LGSN: variants seen among roughly 807,000 people sequenced by gnomAD.
LGSN encodes lengsin, lens protein with glutamine synthetase domain.
In LGSN, 21 loss-of-function variants were observed where a neutral mutation model predicts 19.5. The ratio of observed to expected loss-of-function variants is 1.07; its 90% CI spans 0.76 to 1.55. The LOEUF (loss-of-function observed/expected upper bound fraction) is 1.55. Among genes scored for constraint, LGSN ranks in the 40% most tolerant of loss-of-function variants. The probability of loss-of-function intolerance (pLI) is 0.00; values close to 1 mark genes in which losing one functional copy is unlikely to be tolerated. For synonymous variants in LGSN, 257 were observed against 215.6 expected (o/e 1.19, Z -1.68); for missense variants, 673 against 608.5 (o/e 1.11, Z -1.12).
At chr6:63,485,860 C>T in the LGSN span, among the ~76,000 whole-genome samples, 1 of 152,088 alleles carries the variant, frequency 6.6e-6, no homozygotes, top group South Asian at 2.1e-4. Flanking sequence ...TCCTGAGTAG[C>T]TGGGACTATG....
the LGSN span, among the ~76,000 whole-genome samples, chr6:63,384,164 T>C: frequency 6.6e-6 from 1 of 152,198 alleles, no homozygotes. Context: ...CCCAGTTTTT[T>C]CCATGCTTGA....
the LGSN span, among the ~76,000 whole-genome samples, chr6:63,544,718 T>G: frequency 6.6e-6 from 1 of 152,170 alleles, no homozygotes; most frequent in East Asian, 1.9e-4. Context: ...TTTCTGATGT[T>G]TCCTCATGAT....
At chr6:63,355,800 T>A in the LGSN span, among the ~76,000 whole-genome samples, 1 of 152,220 alleles carries the variant, frequency 6.6e-6, no homozygotes, top group African/African-American at 2.4e-5. Flanking sequence ...TGTCTCAGCC[T>A]TCCAAGTAGC....
the LGSN span, among the ~76,000 whole-genome samples, chr6:63,388,049 T>G: frequency 6.6e-6 from 1 of 151,340 alleles, no homozygotes; most frequent in Non-Finnish European, 1.5e-5. Context: ...TGTTTTTTTT[T>G]TTTTTTAGTA....
At chr6:63,541,735 G>T in the LGSN span, among the ~76,000 whole-genome samples, 1 of 152,034 alleles carries the variant, frequency 6.6e-6, no homozygotes, top group Non-Finnish European at 1.5e-5. Context: ...CATTAAAAAA[G>T]ATGCATTTAT....
At chr6:63,307,488 G>T (rs1048866472) in intron 1 of LGSN, among the ~76,000 whole-genome samples, 2 of 152,180 alleles carry the variant, frequency 1.3e-5, no homozygotes, top group Non-Finnish European at 2.9e-5. Flanking sequence ...TTAATTGATG[G>T]GCTGTGGACA....
At chr6:63,335,029 G>A in the LGSN span, among the ~76,000 whole-genome samples, 1 of 150,936 alleles carries the variant, frequency 6.6e-6, no homozygotes, top group Non-Finnish European at 1.5e-5. Flanking sequence ...TGTAATCCCA[G>A]ATATTCAGGA....
the LGSN span, among the ~76,000 whole-genome samples, chr6:63,560,383 A>G: frequency 2.0e-5 from 3 of 150,968 alleles, no homozygotes; most frequent in African/African-American, 7.3e-5. Context: ...AGTGAAAAGT[A>G]AAAAACAAAA....
the LGSN span, among the ~76,000 whole-genome samples, chr6:63,520,970 A>C: frequency 6.6e-6 from 1 of 152,148 alleles, no homozygotes; most frequent in South Asian, 2.1e-4. Context: ...ATCCTCAGCA[A>C]ACTAACACAG....
chr6:63,447,656 A>C, the LGSN span, among the ~76,000 whole-genome samples: 1 of 152,194 alleles, frequency 6.6e-6, no homozygotes, highest in East Asian at 1.9e-4. Flanking sequence ...AACTGTTAGC[A>C]TCCTATTCAT....
the LGSN span, among the ~76,000 whole-genome samples, chr6:63,349,827 C>G: frequency 1.3e-5 from 2 of 152,158 alleles, no homozygotes; most frequent in Admixed American, 6.6e-5. Flanking sequence ...CTCAAGTTAT[C>G]ATAAGACTGA....
chr6:63,464,037 T>C, the LGSN span, among the ~76,000 whole-genome samples: 17 of 151,934 alleles, frequency 1.1e-4, no homozygotes, highest in African/African-American at 3.9e-4. Context: ...GGAGCATAAA[T>C]GAAAAAAAAT....
the LGSN span, among the ~76,000 whole-genome samples, chr6:63,379,005 T>TC: frequency 6.6e-6 from 1 of 152,198 alleles, no homozygotes; most frequent in Non-Finnish European, 1.5e-5. Flanking sequence ...CAGGGTTTCC[T>TC]CCCCTATTAC....
chr6:63,453,611 A>G, the LGSN span, among the ~76,000 whole-genome samples: 1 of 151,754 alleles, frequency 6.6e-6, no homozygotes, highest in Non-Finnish European at 1.5e-5. Context: ...TTTGCATGGT[A>G]TATTGTTTTC....
chr6:63,481,518 A>AT, the LGSN span, among the ~76,000 whole-genome samples: 69,239 of 149,364 alleles, frequency 0.46, 17,689 homozygotes, highest in Non-Finnish European at 0.56. Context: ...AATTTTTTGT[A>AT]TTTTTTTTTA....
At chr6:63,518,154 C>CAAAA in the LGSN span, among the ~76,000 whole-genome samples, 1 of 62,106 alleles carries the variant, frequency 1.6e-5, no homozygotes, top group African/African-American at 4.9e-5. Flanking sequence ...ACTCCGTCTC[C>CAAAA]AAAAAAAAAA....
the LGSN span, among the ~76,000 whole-genome samples, chr6:63,477,091 G>T: frequency 1.3e-5 from 2 of 152,190 alleles, no homozygotes; most frequent in Non-Finnish European, 2.9e-5. Context: ...TACCAAAACT[G>T]TTGGAAGCAG....
chr6:63,284,287 C>A (rs1313135317), intron 3 of LGSN, among the ~76,000 whole-genome samples: 1 of 150,828 alleles, frequency 6.6e-6, no homozygotes, highest in African/African-American at 2.5e-5. Flanking sequence ...TTAAAATTCT[C>A]ATGATAAACT....
In LGSN at chr6:63,276,349, T is replaced by C. The variant is rs2127378039; in HGVS notation, c.*3672A>G. On this transcript the variant is annotated 3_prime_UTR_variant, in exon 4 of 4. Transcript: ENST00000370657. Reference sequence around the variant, plus strand: ...TTATTCACACACTGTAAAATGAAATTTTAGATTATAGAATGTCCTTGAAAA... The same window carrying C: ...TTATTCACACACTGTAAAATGAAATCTTAGATTATAGAATGTCCTTGAAAA... 1 of 152,338 alleles carries C rather than the reference T, an allele frequency of 6.6e-6. No homozygotes were observed. The highest frequency in any genetic ancestry group is 2.1e-4 in the South Asian group (1 of 4,830). 9.4% of individuals were successfully genotyped at this position (152,338 alleles called of 1,614,324 possible). A position where few individuals can be genotyped will look rare whatever the true frequency, so the allele number is the denominator to read the frequency against.
Sources: allele counts gnomAD v4.1 joint callset (sites outside exome capture counted in the v4.1 genomes callset), GRCh38; gene constraint gnomAD v4.1.1; transcripts MANE v1.5; gene names NCBI Gene and HGNC (gene_info 2026-07-23, HGNC 2026-07-21).